Variants in PTPRK observed in about 807,000 individuals in gnomAD.
The protein encoded by PTPRK is protein tyrosine phosphatase receptor type K.
In PTPRK, 75 loss-of-function variants were observed where a neutral mutation model predicts 178.0. The observed-to-expected ratio is 0.42, with a 90% CI of 0.35 to 0.51. The LOEUF is 0.51. Ranked by LOEUF, PTPRK falls within the 20% of genes least tolerant of loss-of-function variation. The pLI is 0.02. For missense variants in PTPRK, 1,441 were observed against 1,797.8 expected (o/e 0.80, Z 3.59); for synonymous variants, 637 against 620.6 (o/e 1.03, Z -0.39).
At chr6:128,027,164 A>G (rs1376139752) in intron 13 of PTPRK, among the ~76,000 whole-genome samples, 1 of 152,194 alleles carries the variant, frequency 6.6e-6, no homozygotes, top group African/African-American at 2.4e-5. Context: ...ACCTATCATC[A>G]TATTATGATC....
At chr6:128,048,550 C>A (rs76588298) in intron 13 of PTPRK, among the ~76,000 whole-genome samples, 1 of 152,152 alleles carries the variant, frequency 6.6e-6, no homozygotes, top group Non-Finnish European at 1.5e-5. Context: ...AGTAGTAATG[C>A]CCTAGACACA....
chr6:128,463,002 C>T (rs1849279744), intron 1 of PTPRK, among the ~76,000 whole-genome samples: 1 of 151,970 alleles, frequency 6.6e-6, no homozygotes, highest in South Asian at 2.1e-4. Context: ...ATTTTTTAGT[C>T]CCACATCTAG....
At chr6:127,972,773 GA>G (rs530325486) in intron 29 of PTPRK, among the ~76,000 whole-genome samples, 2 of 151,858 alleles carry the variant, frequency 1.3e-5, no homozygotes, top group Non-Finnish European at 1.5e-5. Flanking sequence ...GGCTATAACA[GA>G]AAAAAAATCC....
chr6:128,163,125 G>GT (rs1352817069), intron 7 of PTPRK, among the ~76,000 whole-genome samples: 2 of 150,998 alleles, frequency 1.3e-5, no homozygotes, highest in East Asian at 3.9e-4. Context: ...GTTTCGACTG[G>GT]TTTTGGACTG....
chr6:128,493,688 AAG>A (rs1287879295), intron 1 of PTPRK, among the ~76,000 whole-genome samples: 4 of 151,258 alleles, frequency 2.6e-5, no homozygotes, highest in African/African-American at 9.7e-5. Flanking sequence ...ATAGAACTAG[AAG>A]AGAGTTTAGA....
At position 127,976,552 on chromosome 6, in the gene PTPRK, G is replaced by A. The variant is rs1774623189; in HGVS notation, c.3969+105C>T. 10 of 1,342,902 alleles carry A rather than the reference G, an allele frequency of 7.4e-6. No individual in the cohort carries two copies. In the Admixed American group the frequency reaches 1.5e-4, roughly 20 times the overall value. The allele number at this position is 1,342,902 out of a possible 1,614,324, so 83.2% of individuals were successfully genotyped here. A position where few individuals can be genotyped will look rare whatever the true frequency, so the allele number is the denominator to read the frequency against. On this transcript the variant is annotated intron_variant, in intron 27 of 29. Coordinates refer to ENST00000368226, the MANE Select transcript of PTPRK (RefSeq NM_002844.4). Reference sequence around the variant, plus strand: ...TACTAGCTTTGAGGTGGATGATATAGTGCTTATTAATTGTAGTCTCCCTGT... The same window carrying A: ...TACTAGCTTTGAGGTGGATGATATAATGCTTATTAATTGTAGTCTCCCTGT...
chr6:128,352,201 C>A (rs144230004), intron 2 of PTPRK, among the ~76,000 whole-genome samples: 5,424 of 131,718 alleles, frequency 0.041, 356 homozygotes, highest in African/African-American at 0.14. Flanking sequence ...TTGCAGTGAG[C>A]AGAGATCGCA....
intron 3 of PTPRK, among the ~76,000 whole-genome samples, chr6:128,287,051 T>A (rs1265627331): frequency 1.3e-5 from 2 of 152,136 alleles, no homozygotes; most frequent in Non-Finnish European, 2.9e-5. Context: ...GATCCCTCTG[T>A]TAATCTCTGG....
At chr6:128,397,979 T>C (rs1327885736) in intron 1 of PTPRK, among the ~76,000 whole-genome samples, 4 of 152,206 alleles carry the variant, frequency 2.6e-5, no homozygotes, top group Admixed American at 1.3e-4. Context: ...TCTTGAAATA[T>C]ACAAAGTGTT....
At chr6:128,139,810 T>C (rs75988669) in intron 7 of PTPRK, among the ~76,000 whole-genome samples, 2 of 152,052 alleles carry the variant, frequency 1.3e-5, no homozygotes, top group African/African-American at 2.4e-5. Flanking sequence ...CCAATCTAAA[T>C]GCTGTCAGAT....
intron 6 of PTPRK, among the ~76,000 whole-genome samples, chr6:128,210,085 G>T (rs954270707): frequency 3.9e-5 from 6 of 152,212 alleles, no homozygotes; most frequent in Non-Finnish European, 8.8e-5. Context: ...CAATAAGTAG[G>T]TTTTTTATAG....
intron 15 of PTPRK, among the ~76,000 whole-genome samples, chr6:127,999,457 ACT>A (rs1777541347): frequency 6.6e-6 from 1 of 151,730 alleles, no homozygotes; most frequent in African/African-American, 2.4e-5. Context: ...CCCTGATGCC[ACT>A]CTGTCTGCTA....
chr6:128,040,210 A>C (rs1776939249), intron 13 of PTPRK, among the ~76,000 whole-genome samples: 1 of 152,164 alleles, frequency 6.6e-6, no homozygotes, highest in African/African-American at 2.4e-5. Context: ...ACCAACAATG[A>C]GCCACATTTA....
intron 7 of PTPRK, among the ~76,000 whole-genome samples, chr6:128,149,585 G>A (rs1199376481): frequency 6.6e-6 from 1 of 151,940 alleles, no homozygotes; most frequent in Non-Finnish European, 1.5e-5. Context: ...GTTATTTCTT[G>A]ATTTATTTTC....
chr6:128,172,104 T>C (rs1800345796), intron 7 of PTPRK, among the ~76,000 whole-genome samples: 1 of 151,992 alleles, frequency 6.6e-6, no homozygotes, highest in Non-Finnish European at 1.5e-5. Context: ...AAAAATGTTA[T>C]CACTGAGATA....
At chr6:128,087,621 T>C (rs977729115) in intron 8 of PTPRK, among the ~76,000 whole-genome samples, 1 of 152,068 alleles carries the variant, frequency 6.6e-6, no homozygotes, top group African/African-American at 2.4e-5. Flanking sequence ...AAGGGGGTGT[T>C]GTTTAAATGT....
At chr6:128,324,400 A>G (rs1277981380) in intron 2 of PTPRK, among the ~76,000 whole-genome samples, 1 of 152,080 alleles carries the variant, frequency 6.6e-6, no homozygotes, top group Non-Finnish European at 1.5e-5. Context: ...TACTATAAAG[A>G]CCATTTAGGA....
chr6:127,979,578 T>C (rs1029378881), intron 25 of PTPRK, among the ~76,000 whole-genome samples: 6 of 152,218 alleles, frequency 3.9e-5, no homozygotes, highest in Admixed American at 3.3e-4. Context: ...AAGACTCCGA[T>C]CACAGCAAGG....
intron 1 of PTPRK, among the ~76,000 whole-genome samples, chr6:128,475,410 GATAGA>G (rs1851250822): frequency 6.6e-6 from 1 of 152,098 alleles, no homozygotes; most frequent in South Asian, 2.1e-4. Flanking sequence ...AACAGCGAAA[GATAGA>G]TTGGTTAGGG....
Sources: allele counts gnomAD v4.1 joint callset (sites outside exome capture counted in the v4.1 genomes callset), GRCh38; gene constraint gnomAD v4.1.1; transcripts MANE v1.5; gene names NCBI Gene and HGNC (gene_info 2026-07-23, HGNC 2026-07-21).